CAPN1: variants seen among roughly 807,000 people sequenced by gnomAD.
CAPN1 encodes the protein calpain-1 catalytic subunit.
A neutral mutation model predicts 105.2 loss-of-function variants in CAPN1; 77 were observed. The ratio of observed to expected loss-of-function variants is 0.73; its 90% confidence interval spans 0.61 to 0.88. The LOEUF (loss-of-function observed/expected upper bound fraction) is 0.88. CAPN1 is among the 40% of genes least tolerant of loss of function. CAPN1 has a pLI of 0.00. For synonymous variants in CAPN1, 355 were observed against 388.8 expected (o/e 0.91, Z 1.02); for missense variants, 833 against 976.6 (o/e 0.85, Z 1.96).
At chr11:65,192,884 G>A (rs1948737701) in intron 10 of CAPN1, among the ~76,000 whole-genome samples, 1 of 151,950 alleles carries the variant, frequency 6.6e-6, no homozygotes, top group South Asian at 2.1e-4. Flanking sequence ...TGAGATTACA[G>A]GCATGAGCCA....
chr11:65,189,577 C>T (rs889348161), intron 10 of CAPN1, among the ~76,000 whole-genome samples: 2 of 152,134 alleles, frequency 1.3e-5, no homozygotes, highest in African/African-American at 2.4e-5. Context: ...CCATCACTTG[C>T]GTACCATCCT....
intron 5 of CAPN1, 49 bp downstream of exon 5, chr11:65,186,099 G>A: frequency 1.2e-6 from 2 of 1,607,188 alleles, no homozygotes; most frequent in Non-Finnish European, 1.7e-6. Flanking sequence ...CCCCCTAGGG[G>A]TGGGGGCTCA....
At position 65,211,310 on chromosome 11, in the gene CAPN1, C is replaced by G. The variant is rs373818421; in HGVS notation, c.*24C>G. 1.1e-4 allele frequency: 185 copies of G among 1,610,566 alleles called. No homozygotes were observed. Among genetic ancestry groups the G allele is most frequent in the Non-Finnish European group, 1.5e-4 (177 of 1,179,062 alleles). On this transcript the variant is annotated 3_prime_UTR_variant, in exon 22 of 22. Coordinates refer to ENST00000279247, the MANE Select transcript of CAPN1 (RefSeq NM_005186.4). ...GAGGCAGGGACTCGGTCCCCCTTGC[C>G]GTGCTCCCCTCCCTCCTCGTCTGCC...
rs555255868 is a variant in CAPN1, at chr11:65,210,993, C to A, written c.2118+121C>A. On this transcript the variant is annotated intron_variant, in intron 21 of 21. Transcript: ENST00000279247. The surrounding 1 kb of genome is among the most constrained non-coding windows in gnomAD (Gnocchi z 4.3). Reference sequence around the variant, plus strand: ...CTGGGCCTCAGAGCCAACCCTGAAGCCCGGGCCACCTGAATCCTGAAAGGC... The same window carrying A: ...CTGGGCCTCAGAGCCAACCCTGAAGACCGGGCCACCTGAATCCTGAAAGGC... 1.1e-4 allele frequency: 103 copies of A among 915,980 alleles called. No individual in the cohort carries two copies. In the South Asian group the frequency reaches 1.2e-3, roughly 10 times the overall value. The allele number at this position is 915,980 out of a possible 1,614,324, so 56.7% of individuals were successfully genotyped here. A position where few individuals can be genotyped will look rare whatever the true frequency, so the allele number is the denominator to read the frequency against.
At position 65,208,097 on chromosome 11, in the gene CAPN1, C is replaced by T. The variant is rs1040182170; in HGVS notation, c.1648C>T (p.Leu550Phe). ...EEEIDENFKALFRQLAGEDME... is the reference protein window; with the variant it reads ...EEEIDENFKAFFRQLAGEDME... The stretch of plus-strand genomic sequence containing the variant: ...GGAGATTGACGAGAACTTCAAGGCC[C>T]TCTTCAGGCAGCTGGCAGGGGAGGT... The change falls in exon 15 of 22, where the codon CTC (leucine) becomes TTC (phenylalanine). Residue 550 changes from leucine to phenylalanine, a missense_variant. Transcript: ENST00000279247. The surrounding 1 kb of genome is among the most constrained non-coding windows in gnomAD (Gnocchi z 4.1). 1.0e-5 allele frequency: 16 copies of T among 1,607,848 alleles called. No homozygotes were observed. The South Asian group carries it at 1.7e-4, about 17-fold the overall frequency.
intron 4 of CAPN1, among the ~76,000 whole-genome samples, chr11:65,185,414 C>T (rs928997214): frequency 1.3e-5 from 2 of 151,870 alleles, no homozygotes; most frequent in Non-Finnish European, 2.9e-5. Flanking sequence ...GTAATTGTTT[C>T]GTTCAGACCT....
At chr11:65,196,998 C>G (rs554691743) in intron 10 of CAPN1, among the ~76,000 whole-genome samples, 4 of 152,254 alleles carry the variant, frequency 2.6e-5, no homozygotes, top group Middle Eastern at 3.4e-3. Flanking sequence ...CTATTATTAT[C>G]CTTATCTTAG....
At chr11:65,185,561 C>T (rs1044069986) in intron 4 of CAPN1, among the ~76,000 whole-genome samples, 6 of 151,734 alleles carry the variant, frequency 4.0e-5, no homozygotes, top group Admixed American at 6.6e-5. Flanking sequence ...TTTGCAGACC[C>T]TCTGAACAGC....
intron 10 of CAPN1, among the ~76,000 whole-genome samples, chr11:65,197,486 T>G (rs572886768): frequency 6.6e-6 from 1 of 152,326 alleles, no homozygotes; most frequent in African/African-American, 2.4e-5. Flanking sequence ...TTTGTTGAAT[T>G]TTTAAAATAT....
chr11:65,203,461 G>A (rs1345289067), intron 10 of CAPN1: 1 of 152,400 alleles, frequency 6.6e-6, no homozygotes, highest in African/African-American at 2.4e-5. Flanking sequence ...CCAGGTTTAA[G>A]CGATTCTCCT....
At chr11:65,187,428 C>G (rs1207535563) in intron 7 of CAPN1, 130 bp downstream of exon 7, 4 of 661,878 alleles carry the variant, frequency 6.0e-6, no homozygotes, top group African/African-American at 3.6e-5. Context: ...CACCTTATCT[C>G]TCTTCTGGGG....
chr11:65,206,373 A>C, intron 12 of CAPN1, 90 bp from the exon 13 acceptor site: 1 of 993,866 alleles, frequency 1.0e-6, no homozygotes, highest in Non-Finnish European at 1.6e-6. Flanking sequence ...CTTGGCCAGG[A>C]CAAGGAGCCT....
intron 10 of CAPN1, among the ~76,000 whole-genome samples, chr11:65,189,108 C>T (rs1202372293): frequency 6.6e-6 from 1 of 152,036 alleles, no homozygotes; most frequent in African/African-American, 2.4e-5. Flanking sequence ...ACTACAACCT[C>T]CATCTCCCGG....
chr11:65,181,831 G>C, upstream of CAPN1: 1 of 178,948 alleles, frequency 5.6e-6, no homozygotes, highest in Non-Finnish European at 1.2e-5. This position sits in a 1 kb window ranked among gnomAD's most constrained non-coding sequence, Gnocchi z 4.6. Flanking sequence ...AGGGAGAGCC[G>C]AGAGGAAGCG....
intron 4 of CAPN1, among the ~76,000 whole-genome samples, chr11:65,184,745 T>G (rs1238184946): frequency 6.6e-6 from 1 of 152,140 alleles, no homozygotes; most frequent in Admixed American, 6.5e-5. Flanking sequence ...GGCCATGGCC[T>G]AAAAGGGGGC....
Position 65,211,381 on chromosome 11 carries a change from G to A in CAPN1, c.*95G>A. The A allele has an allele frequency of 7.9e-7, 1 of 1,264,722 alleles. No homozygotes were observed. Among genetic ancestry groups the A allele is most frequent in the Non-Finnish European group, 1.1e-6 (1 of 882,854 alleles). 78.3% of individuals were successfully genotyped at this position (1,264,722 alleles called of 1,614,324 possible). ...CCACACCAGGCCACCCCAGCTGCAA[G>A]TGCCTTCCTTGGAGCAGAGAGGCAG... On this transcript the variant is annotated 3_prime_UTR_variant, in exon 22 of 22. Transcript: ENST00000279247.
chr11:65,183,276 A>G (rs1948574531), intron 3 of CAPN1, 79 bp downstream of exon 3: 1 of 1,380,220 alleles, frequency 7.2e-7, no homozygotes, highest in Non-Finnish European at 1.0e-6. Flanking sequence ...CTCTGCCCCA[A>G]CCCCTCCCTC....
In CAPN1 at chr11:65,204,931, G is replaced by A. The variant is rs551788699; in HGVS notation, c.1341+73G>A. The A allele has an allele frequency of 4.6e-4, 622 of 1,352,314 alleles. 2 individuals are homozygous for A. In the African/African-American group the frequency reaches 6.8e-3, roughly 15 times the overall value. The allele number at this position is 1,352,314 out of a possible 1,614,324, so 83.8% of individuals were successfully genotyped here. ...CTGGCGCCCCCGACCCGCAGTGCAG[G>A]CGGGCTTCCACCAGGGGGCGCCAGG... is the stretch of plus-strand genomic sequence containing the variant. On this transcript the variant is annotated intron_variant, in intron 11 of 21. Transcript: ENST00000279247.
At position 65,210,411 on chromosome 11, in the gene CAPN1, A is replaced by G; in HGVS notation, c.2018A>G (p.Asp673Gly). Residue 673 changes from aspartate to glycine, a missense_variant, in exon 20 of 22, where the codon GAC becomes GGC. Coordinates refer to ENST00000279247, the MANE Select transcript of CAPN1 (RefSeq NM_005186.4). This position sits in a 1 kb window ranked among gnomAD's most constrained non-coding sequence, Gnocchi z 4.3. The part of the protein sequence containing the change: ...YSEPDLAVDF[D>G]NFVCCLVRLE... ...GAGCCCGACCTGGCGGTCGACTTTGACAATTTCGTTTGCTGCCTGGTGCGG... is the reference window on the plus strand; with the variant it reads ...GAGCCCGACCTGGCGGTCGACTTTGGCAATTTCGTTTGCTGCCTGGTGCGG... The G allele has an allele frequency of 6.2e-7, 1 of 1,613,154 alleles. No homozygotes were observed. Among genetic ancestry groups the G allele is most frequent in the Non-Finnish European group, 8.5e-7 (1 of 1,179,608 alleles).
Sources: allele counts gnomAD v4.1 joint callset (sites outside exome capture counted in the v4.1 genomes callset), GRCh38; gene constraint gnomAD v4.1.1; non-coding constraint Gnocchi (gnomAD v3.1); transcripts MANE v1.5; gene names NCBI Gene and HGNC (gene_info 2026-07-23, HGNC 2026-07-21).